Variants in GPHN observed in about 807,000 individuals in gnomAD.
GPHN encodes the protein gephyrin.
Under a neutral mutation model 95.5 loss-of-function variants are expected in GPHN, and 17 were observed. The ratio of observed to expected loss-of-function variants is 0.18; its 90% CI spans 0.12 to 0.27. GPHN has a LOEUF of 0.27. Ranked by LOEUF, GPHN falls within the 10% of genes least tolerant of loss-of-function variation. GPHN has a pLI of 1.00. For synonymous variants in GPHN, 320 were observed against 322.5 expected (o/e 0.99, Z 0.08); for missense variants, 660 against 978.1 (o/e 0.67, Z 4.34).
the GPHN span, among the ~76,000 whole-genome samples, chr14:67,213,397 G>T: frequency 7.4e-6 from 1 of 135,244 alleles, no homozygotes; most frequent in African/African-American, 2.8e-5. Flanking sequence ...TCCCACCTAT[G>T]AGTGAGAATA....
At chr14:66,820,547 A>C (rs1441730689) in intron 3 of GPHN, among the ~76,000 whole-genome samples, 1 of 152,098 alleles carries the variant, frequency 6.6e-6, no homozygotes, top group East Asian at 1.9e-4. Context: ...GAATGCCATG[A>C]GCCCTCCATT....
chr14:67,594,395 T>C, the GPHN span, among the ~76,000 whole-genome samples: 63,815 of 151,964 alleles, frequency 0.42, 15,450 homozygotes, highest in Non-Finnish European at 0.56. Flanking sequence ...ACGCCTGTAC[T>C]CCTAGCACTT....
In GPHN at chr14:66,672,373, T is replaced by C. The variant is rs537569519; in HGVS notation, c.65-8734T>C. 7.9e-5 allele frequency among the ~76,000 whole-genome samples: 12 copies of C among 152,306 alleles called. No individual in the cohort carries two copies. The East Asian group carries it at 2.1e-3, about 27-fold the overall frequency. On this transcript the variant is annotated intron_variant, in intron 1 of 22. Coordinates refer to ENST00000478722, the MANE Select transcript of GPHN (RefSeq NM_020806.5). ...GTTCCATGTTAGTTTGAGAAGAGTG[T>C]CTATTCTGCTTTTATTGGATGAAGT...
chr14:66,861,451 TCAA>T (rs569390756), intron 4 of GPHN, among the ~76,000 whole-genome samples: 1 of 151,824 alleles, frequency 6.6e-6, no homozygotes, highest in Non-Finnish European at 1.5e-5. Flanking sequence ...AGACAGAAAA[TCAA>T]CAAGGAAACA....
chr14:67,623,036 C>T, the GPHN span, among the ~76,000 whole-genome samples: 4 of 152,162 alleles, frequency 2.6e-5, no homozygotes, highest in African/African-American at 9.6e-5. Context: ...GATGGTGAGG[C>T]TTCAGTTTAT....
intron 2 of GPHN, among the ~76,000 whole-genome samples, chr14:66,704,945 AGAATC>A (rs1408101768): frequency 1.8e-5 from 2 of 109,272 alleles, no homozygotes; most frequent in African/African-American, 1.1e-4. Flanking sequence ...AAAAGAGAGA[AGAATC>A]AAATAGACAC....
At chr14:67,199,221 C>T in the GPHN span, 1 of 1,606,314 alleles carries the variant, frequency 6.2e-7, no homozygotes, top group Non-Finnish European at 8.5e-7. Context: ...TGGCCAGCAC[C>T]AAGGCTATGA....
chr14:67,390,188 G>T, the GPHN span, among the ~76,000 whole-genome samples: 4 of 152,126 alleles, frequency 2.6e-5, no homozygotes, highest in Admixed American at 6.5e-5. Flanking sequence ...TGCCATCAAA[G>T]TTTTTTAAAA....
chr14:66,666,837 A>G (rs1269586531), intron 1 of GPHN, among the ~76,000 whole-genome samples: 2 of 152,224 alleles, frequency 1.3e-5, no homozygotes, highest in East Asian at 1.9e-4. Context: ...GAAGAGAGGA[A>G]GTCAACCTAT....
chr14:67,386,524 A>G, the GPHN span: 2 of 152,222 alleles, frequency 1.3e-5, no homozygotes, highest in African/African-American at 4.8e-5. Context: ...GTATTGTATG[A>G]TACAGACTTT....
intron 8 of GPHN, among the ~76,000 whole-genome samples, chr14:66,937,841 T>C (rs975557282): frequency 6.6e-6 from 1 of 152,212 alleles, no homozygotes; most frequent in African/African-American, 2.4e-5. Context: ...TTTAAAGGTC[T>C]CTATTTTTGC....
At chr14:67,597,232 C>T in the GPHN span, among the ~76,000 whole-genome samples, 1 of 152,258 alleles carries the variant, frequency 6.6e-6, no homozygotes, top group African/African-American at 2.4e-5. Flanking sequence ...AATCCCAACA[C>T]TTTGGGAGGC....
the GPHN span, among the ~76,000 whole-genome samples, chr14:67,665,259 CTTTT>C: frequency 4.0e-5 from 5 of 126,526 alleles, no homozygotes; most frequent in Admixed American, 8.3e-5. Flanking sequence ...TCAGTTATAT[CTTTT>C]TTTTTTTTTT....
chr14:67,055,771 T>C (rs1036161510), intron 10 of GPHN, among the ~76,000 whole-genome samples: 2 of 152,178 alleles, frequency 1.3e-5, no homozygotes, highest in African/African-American at 2.4e-5. Flanking sequence ...CAGTGAGTGT[T>C]ACAGTTCTTA....
chr14:66,904,696 G>A (rs2065288801), intron 5 of GPHN, among the ~76,000 whole-genome samples: 1 of 152,146 alleles, frequency 6.6e-6, no homozygotes, highest in Non-Finnish European at 1.5e-5. Context: ...GCTGGAAAGG[G>A]GCACAGAAGG....
At chr14:67,018,388 C>G (rs2073425259) in intron 9 of GPHN, among the ~76,000 whole-genome samples, 1 of 151,688 alleles carries the variant, frequency 6.6e-6, no homozygotes, top group African/African-American at 2.4e-5. Flanking sequence ...CTGGTGTAAT[C>G]TAAGCTGGAT....
the GPHN span, among the ~76,000 whole-genome samples, chr14:67,249,207 A>G: frequency 1.0e-4 from 15 of 150,134 alleles, no homozygotes; most frequent in African/African-American, 3.4e-4. Flanking sequence ...GGTGATTTGC[A>G]CGTCTCGGCC....
chr14:67,188,956 G>T, the GPHN span, among the ~76,000 whole-genome samples: 1 of 151,936 alleles, frequency 6.6e-6, no homozygotes, highest in Non-Finnish European at 1.5e-5. Flanking sequence ...CTTCCAAAGT[G>T]CTGGGATTGC....
intron 4 of GPHN, among the ~76,000 whole-genome samples, chr14:66,845,450 G>C (rs1226375931): frequency 6.6e-6 from 1 of 152,080 alleles, no homozygotes; most frequent in Middle Eastern, 3.2e-3. Context: ...AAATGACACA[G>C]ATCTTGGATG....
Sources: gnomAD v4.1 joint callset for allele counts (sites outside exome capture counted in the v4.1 genomes callset) on GRCh38, gnomAD v4.1.1 for gene constraint, MANE v1.5 for transcripts, NCBI Gene and HGNC (gene_info 2026-07-23, HGNC 2026-07-21) for gene names.